Variants in TTYH1 observed in about 807,000 individuals in gnomAD.
The protein encoded by TTYH1 is protein tweety homolog 1.
TTYH1 carries 33 observed loss-of-function variants against 61.2 expected under a neutral mutation model. The observed-to-expected ratio is 0.54, with a 90% CI of 0.41 to 0.72. The LOEUF is 0.72. TTYH1 is among the 30% of genes least tolerant of loss of function. The pLI, the probability that TTYH1 is intolerant of heterozygous loss-of-function variation, is 0.00. For missense variants in TTYH1, 538 were observed against 575.8 expected (o/e 0.93, Z 0.67); for synonymous variants, 308 against 266.4 (o/e 1.16, Z -1.52).
intron 10 of TTYH1, chr19:54,431,849 G>C (rs904187755): frequency 1.3e-5 from 2 of 152,240 alleles, no homozygotes; most frequent in African/African-American, 4.8e-5. Flanking sequence ...CGTACCGTGA[G>C]GAAGGACGAG....
In TTYH1 at chr19:54,421,211, G is replaced by T; in HGVS notation, c.306-66G>T. The T allele has an allele frequency of 9.8e-7, 1 of 1,023,530 alleles. No homozygotes were observed. The highest frequency in any genetic ancestry group is 1.3e-5 in the South Asian group (1 of 77,688). 63.4% of individuals were successfully genotyped at this position (1,023,530 alleles called of 1,614,324 possible). ...AAGGCGAGGTGGAGGGGATGGGGTG[G>T]GAGGGGACGGTGGCCCCCGGGGTCC... On this transcript the variant is annotated intron_variant, in intron 2 of 13. Transcript: ENST00000376530. The surrounding 1 kb of genome is among the most constrained non-coding windows in gnomAD (Gnocchi z 4.8).
At position 54,422,377 on chromosome 19, in the gene TTYH1, T is replaced by C; in HGVS notation, c.605T>C (p.Val202Ala). The change falls in exon 4 of 14, where the codon GTG becomes GCG. Residue 202 changes from valine (V) to alanine (A), a missense_variant. Val to Ala is a moderately conservative substitution (Grantham distance 64). Around this residue, in one of 3 missense-constraint regions of TTYH1, gnomAD observed 378 missense variants for 401.2 expected, o/e 0.94. Transcript: ENST00000376530. ...GGAGTGCCCCTGAGCCCCCTGCAGG[T>C]GGCTGAAAATGTGTCCTTTGTGGAG... ...WQGVPLSPLQVAENVSFVEEY... is the reference protein window; with the variant it reads ...WQGVPLSPLQAAENVSFVEEY... 6.4e-7 allele frequency: 1 copy of C among 1,572,030 alleles called. No individual in the cohort carries two copies. Among genetic ancestry groups the C allele is most frequent in the Non-Finnish European group, 8.6e-7 (1 of 1,158,770 alleles).
intron 4 of TTYH1, 68 bp from the exon 5 acceptor site, chr19:54,426,605 G>C: frequency 8.1e-7 from 1 of 1,231,230 alleles, no homozygotes; most frequent in Non-Finnish European, 1.2e-6. Flanking sequence ...TGCTGGTGGA[G>C]GGTTGCTGTT....
intron 4 of TTYH1, among the ~76,000 whole-genome samples, chr19:54,426,313 G>A (rs2083318630): frequency 2.0e-5 from 3 of 152,194 alleles, no homozygotes; most frequent in Admixed American, 2.0e-4. Flanking sequence ...GGGATCTTTG[G>A]TGCAGTCTTG....
intron 10 of TTYH1, chr19:54,432,935 C>T (rs1008654067): frequency 1.6e-4 from 25 of 152,202 alleles, no homozygotes; most frequent in African/African-American, 5.8e-4. Context: ...TGCCTCCCAC[C>T]CTTCTGGAAC....
chr19:54,422,318 G>C lies in TTYH1; in HGVS notation c.546G>C (p.Ala182=). 6.4e-7 allele frequency: 1 copy of C among 1,565,592 alleles called. No homozygotes were observed. The highest frequency in any genetic ancestry group is 8.6e-7 in the Non-Finnish European group (1 of 1,156,402). Reference sequence around the variant, plus strand: ...GGGCTCGACGGCAGGCGGAGGCTGCGGCCCAGCAGCTGCAGGGGCTGGCCT... The same window carrying C: ...GGGCTCGACGGCAGGCGGAGGCTGCCGCCCAGCAGCTGCAGGGGCTGGCCT... ...ARGARRQAEA[A]AQQLQGLAFW... The change falls in exon 4 of 14, where the codon GCG becomes GCC. Residue 182 remains alanine (A), a synonymous_variant. Transcript: ENST00000376530.
rs770430239 is a variant in TTYH1 at position 54,430,818 on chromosome 19, G to T, written c.945G>T (p.Leu315=). The change falls in exon 9 of 14, where the codon CTG becomes CTT. Residue 315 remains leucine, a synonymous_variant. Coordinates refer to ENST00000376530, the MANE Select transcript of TTYH1 (RefSeq NM_020659.4). ...CTCCCTTTCTCTTTCTGCAGAGGCT[G>T]ACTCTGTCCCAGCGAGCTCTGGCCA... ...RAVSNPFQQR[L]TLSQRALANI... is the part of the protein sequence containing the mutation. 1.2e-6 allele frequency: 2 copies of T among 1,613,694 alleles called. No individual in the cohort carries two copies. The highest frequency in any genetic ancestry group is 8.5e-7 in the Non-Finnish European group (1 of 1,179,896).
rs1392909968 is a variant in TTYH1, at chr19:54,429,377, G to C, written c.805G>C (p.Val269Leu). The C allele has an allele frequency of 6.2e-7, 1 of 1,613,630 alleles. No individual in the cohort carries two copies. Among genetic ancestry groups the C allele is most frequent in the Admixed American group, 1.7e-5 (1 of 60,004 alleles). ...CATGGGCCTGGAGGCAGCCACGGCC[G>C]TGGTGAGTGCCAGGGCCGGGCCATT... is the stretch of plus-strand genomic sequence containing the variant. The part of the protein sequence containing the change: ...GSMGLEAATA[V>L]GLSDFCSNPD... Residue 269 changes from valine to leucine, a missense_variant and splice_region_variant, in exon 6 of 14, where the codon GTG becomes CTG. Physicochemically the swap from Val to Leu is conservative, Grantham distance 32. Around this residue, in one of 3 missense-constraint regions of TTYH1, gnomAD observed 378 missense variants for 401.2 expected, o/e 0.94. Coordinates refer to ENST00000376530, the MANE Select transcript of TTYH1 (RefSeq NM_020659.4). The surrounding 1 kb of genome is among the most constrained non-coding windows in gnomAD (Gnocchi z 5.1).
intron 10 of TTYH1, chr19:54,433,053 T>A (rs1297381518): frequency 6.6e-6 from 1 of 152,176 alleles, no homozygotes; most frequent in African/African-American, 2.4e-5. Context: ...GCTGCCCTGA[T>A]CTTTTGCATA....
intron 10 of TTYH1, chr19:54,431,487 T>G: frequency 1.2e-5 from 5 of 432,988 alleles, no homozygotes; most frequent in East Asian, 9.2e-5. Flanking sequence ...CACCTTTTCC[T>G]TCCTTGTCTT....
intron 9 of TTYH1, 91 bp from the exon 10 acceptor site, chr19:54,431,008 C>A: frequency 6.8e-7 from 1 of 1,476,412 alleles, no homozygotes; most frequent in Non-Finnish European, 9.3e-7. Flanking sequence ...CTAGGCGGGG[C>A]CTTGGGTTGT....
chr19:54,422,447 C>A, intron 4 of TTYH1, 37 bp downstream of exon 4: 1 of 1,472,174 alleles, frequency 6.8e-7, no homozygotes. Flanking sequence ...GTGCCGGCAG[C>A]TCTCAGGCGG....
rs374999711 is a variant in TTYH1, at chr19:54,421,283, C to T, written c.312C>T (p.Gly104=). The change falls in exon 3 of 14, where the codon GGC becomes GGT. Residue 104 remains glycine, a synonymous_variant. Transcript: ENST00000376530. The surrounding 1 kb of genome is among the most constrained non-coding windows in gnomAD (Gnocchi z 4.8). ...TCCCTCCTCCTCCGCTCAGCACTGGCATTGGCATCGGTTTCTATGGCAACA... is the reference window on the plus strand; with the variant it reads ...TCCCTCCTCCTCCGCTCAGCACTGGTATTGGCATCGGTTTCTATGGCAACA... The part of the protein sequence containing the change: ...CIVALLAGCT[G]IGIGFYGNSE... 34 of 1,610,772 alleles carry T rather than the reference C, an allele frequency of 2.1e-5. No individual in the cohort carries two copies. Among genetic ancestry groups the T allele is most frequent in the Non-Finnish European group, 2.9e-5 (34 of 1,177,184 alleles).
chr19:54,427,835 C>T (rs182869373), intron 5 of TTYH1, among the ~76,000 whole-genome samples: 8 of 152,220 alleles, frequency 5.3e-5, no homozygotes, highest in South Asian at 2.1e-4. Flanking sequence ...TCGCTCTACG[C>T]GCCCGACACT....
rs539446536 is a variant in TTYH1, at chr19:54,419,145, G to A, written c.144G>A (p.Ala48=). 5.7e-5 allele frequency: 92 copies of A among 1,612,168 alleles called. 2 individuals are homozygous for A. The highest frequency in any genetic ancestry group is 5.2e-4 in the South Asian group (47 of 90,982). The change falls in exon 2 of 14, where the codon GCG becomes GCA. Residue 48 remains alanine (A), a synonymous_variant. Transcript: ENST00000376530. This position sits in a 1 kb window ranked among gnomAD's most constrained non-coding sequence, Gnocchi z 6.1. ...QEYQQALLLV[A]ALAGLGLGLS... Reference sequence around the variant, plus strand: ...TTCCCCAGGCCTTGTTGCTGGTGGCGGCCTTGGCGGGCCTGGGCTTGGGCC... The same window carrying A: ...TTCCCCAGGCCTTGTTGCTGGTGGCAGCCTTGGCGGGCCTGGGCTTGGGCC...
chr19:54,419,395 G>A lies in TTYH1; in HGVS notation c.305+89G>A. On this transcript the variant is annotated intron_variant, in intron 2 of 13. Transcript: ENST00000376530. This position sits in a 1 kb window ranked among gnomAD's most constrained non-coding sequence, Gnocchi z 6.1. ...CCTGGGGGTGTCCTCCGGGGACATGGAGGAAGCAGACAGGAAGGAGGAAAC... is the reference window on the plus strand; with the variant it reads ...CCTGGGGGTGTCCTCCGGGGACATGAAGGAAGCAGACAGGAAGGAGGAAAC... 7.3e-7 allele frequency: 1 copy of A among 1,375,274 alleles called. No individual in the cohort carries two copies. Among genetic ancestry groups the A allele is most frequent in the African/African-American group, 1.4e-5 (1 of 70,396 alleles). 85.2% of individuals were successfully genotyped at this position (1,375,274 alleles called of 1,614,324 possible).
rs1392668627 is a variant in TTYH1, at chr19:54,420,588, A to T, written c.306-689A>T. 1 of 155,592 alleles carries T rather than the reference A, an allele frequency of 6.4e-6. No individual in the cohort carries two copies. The highest frequency in any genetic ancestry group is 1.5e-5 in the Non-Finnish European group (1 of 67,690). The allele number at this position is 155,592 out of a possible 1,614,324, so 9.6% of individuals were successfully genotyped here. On this transcript the variant is annotated intron_variant, in intron 2 of 13. Transcript: ENST00000376530. This position sits in a 1 kb window ranked among gnomAD's most constrained non-coding sequence, Gnocchi z 4.8. ...GGGAGGGGTCTGGGGCCCCACATTC[A>T]GGTCCCACAATGGAGCTCTGTGTGT...
intron 4 of TTYH1, among the ~76,000 whole-genome samples, chr19:54,426,011 C>T (rs534201547): frequency 2.8e-4 from 42 of 152,276 alleles, no homozygotes; most frequent in Middle Eastern, 6.8e-3. Flanking sequence ...CCACCTCGCC[C>T]GGCCAAGTAT....
In TTYH1 at chr19:54,436,273, G is replaced by A; in HGVS notation, c.*43-60G>A. The A allele has an allele frequency of 6.2e-7, 1 of 1,611,944 alleles. No homozygotes were observed. Among genetic ancestry groups the A allele is most frequent in the Non-Finnish European group, 8.5e-7 (1 of 1,178,370 alleles). ...TGGGCTGCGTGCCTCCTGCTGGGTG[G>A]ATCGCACCGGGCAGGCCCTCCAGCC... On this transcript the variant is annotated intron_variant, in intron 13 of 13. Coordinates refer to ENST00000376530, the MANE Select transcript of TTYH1 (RefSeq NM_020659.4). The surrounding 1 kb of genome is among the most constrained non-coding windows in gnomAD (Gnocchi z 4.3).
Sources: allele counts gnomAD v4.1 joint callset (sites outside exome capture counted in the v4.1 genomes callset), GRCh38; gene constraint gnomAD v4.1.1; regional missense constraint gnomAD v4.1.1; non-coding constraint Gnocchi (gnomAD v3.1); transcripts MANE v1.5; gene names NCBI Gene and HGNC (gene_info 2026-07-23, HGNC 2026-07-21).